HDAC4: variants seen among roughly 807,000 people sequenced by gnomAD.
HDAC4 encodes the protein histone deacetylase A.
In HDAC4, 16 loss-of-function variants were observed where a neutral mutation model predicts 135.1. That is an observed-to-expected ratio of 0.12 (90% CI 0.08 to 0.18). The LOEUF is 0.18. Ranked by LOEUF, HDAC4 falls within the 10% of genes least tolerant of loss-of-function variation. HDAC4 has a pLI of 1.00. For missense variants in HDAC4, 1,143 were observed against 1,511.8 expected (o/e 0.76, Z 4.05); for synonymous variants, 685 against 653.4 (o/e 1.05, Z -0.74).
At chr2:239,082,981 CTGCTCCGTTATCTG>C (rs755271570) in intron 20 of HDAC4, among the ~76,000 whole-genome samples, 19 of 152,250 alleles carry the variant, frequency 1.2e-4, no homozygotes, top group Non-Finnish European at 2.5e-4. Flanking sequence ...CGAGAACTTG[CTGCTCCGTTATCTG>C]TGCTCATCAC....
chr2:239,122,956 G>C (rs1038750233), intron 12 of HDAC4, among the ~76,000 whole-genome samples: 4 of 152,188 alleles, frequency 2.6e-5, no homozygotes, highest in African/African-American at 9.7e-5. Flanking sequence ...CCTCCAAGAG[G>C]AAGGGCCGGG....
At chr2:239,187,183 G>C (rs947767137) in intron 4 of HDAC4, 1 of 151,984 alleles carries the variant, frequency 6.6e-6, no homozygotes, top group Admixed American at 6.6e-5. Context: ...AGGGAAGCCG[G>C]AGTGAGTGAG....
At position 239,068,685 on chromosome 2, in the gene HDAC4, T is replaced by A; in HGVS notation, c.2751-78A>T. The A allele has an allele frequency of 7.9e-7, 1 of 1,263,928 alleles. No individual in the cohort carries two copies. Among genetic ancestry groups the A allele is most frequent in the Non-Finnish European group, 1.2e-6 (1 of 862,188 alleles). 78.3% of individuals were successfully genotyped at this position (1,263,928 alleles called of 1,614,324 possible). ...GGTCACAAAACCCCAAGGTTCCCTC[T>A]GGCATTGATAATGCCTGCCCCGCAC... On this transcript the variant is annotated intron_variant, in intron 22 of 26. Transcript: ENST00000543185. The surrounding 1 kb of genome is among the most constrained non-coding windows in gnomAD (Gnocchi z 4.4).
At chr2:239,334,865 A>G (rs530005972) in intron 2 of HDAC4, among the ~76,000 whole-genome samples, 2 of 152,146 alleles carry the variant, frequency 1.3e-5, no homozygotes, top group Non-Finnish European at 2.9e-5. Flanking sequence ...CTACTAAAAA[A>G]TACAAAAAAA....
intron 2 of HDAC4, among the ~76,000 whole-genome samples, chr2:239,269,005 C>A (rs979557159): frequency 6.6e-6 from 1 of 152,192 alleles, no homozygotes; most frequent in Non-Finnish European, 1.5e-5. Context: ...GAGCTTCCAG[C>A]GGCTTGATTC....
At chr2:239,157,360 G>C (rs1020451584) in intron 6 of HDAC4, among the ~76,000 whole-genome samples, 4 of 152,216 alleles carry the variant, frequency 2.6e-5, no homozygotes, top group Admixed American at 6.5e-5. Context: ...CTCTCTGGGG[G>C]AGGAACAGGA....
chr2:239,149,808 T>C (rs533906388), intron 7 of HDAC4, among the ~76,000 whole-genome samples: 8 of 152,206 alleles, frequency 5.3e-5, no homozygotes, highest in East Asian at 1.9e-4. Context: ...TCTTCACCAC[T>C]GGCCACATTG....
chr2:239,128,649 G>A (rs985852129), intron 11 of HDAC4, among the ~76,000 whole-genome samples: 3 of 152,212 alleles, frequency 2.0e-5, no homozygotes, highest in Non-Finnish European at 4.4e-5. Flanking sequence ...TGCTTTCAGG[G>A]GACGCAAAGG....
chr2:239,099,823 C>T (rs2037451885), intron 16 of HDAC4, among the ~76,000 whole-genome samples: 1 of 152,248 alleles, frequency 6.6e-6, no homozygotes, highest in South Asian at 2.1e-4. Context: ...CTCTCACAGA[C>T]CACCCAGTAG....
chr2:239,103,030 T>A (rs2037800873), intron 15 of HDAC4, 134 bp from the exon 16 acceptor site: 1 of 1,081,242 alleles, frequency 9.2e-7, no homozygotes, highest in South Asian at 1.4e-5. Context: ...TGTTATTTGG[T>A]TACTGCAAAA....
At chr2:239,137,472 C>A (rs545976901) in intron 9 of HDAC4, among the ~76,000 whole-genome samples, 5 of 152,140 alleles carry the variant, frequency 3.3e-5, no homozygotes, top group Admixed American at 1.3e-4. Flanking sequence ...GAGGAGGTGC[C>A]GGCACTCTGG....
chr2:239,338,599 C>A lies in HDAC4; in HGVS notation c.22+14079G>T, dbSNP rs140081061. On this transcript the variant is annotated intron_variant, in intron 2 of 26. Coordinates refer to ENST00000543185, the MANE Select transcript of HDAC4 (RefSeq NM_001378414.1). ...CATTTGATGTTCAAAATTTAAATAGCCACTACATAAAATAGGAAAAAATAA... is the reference window on the plus strand; with the variant it reads ...CATTTGATGTTCAAAATTTAAATAGACACTACATAAAATAGGAAAAAATAA... Among the ~76,000 whole-genome samples the A allele has an allele frequency of 6.4e-3, 969 of 152,280 alleles. 35 individuals carry two copies. Among genetic ancestry groups the A allele is most frequent in the Admixed American group, 0.053 (809 of 15,300 alleles).
chr2:239,241,639 G>C (rs1359476764), intron 2 of HDAC4, among the ~76,000 whole-genome samples: 1 of 152,116 alleles, frequency 6.6e-6, no homozygotes, highest in Non-Finnish European at 1.5e-5. Context: ...TCTTCCTGGA[G>C]GCTGCAGAGA....
chr2:239,054,529 A>G lies in HDAC4; in HGVS notation c.3088+220T>C, dbSNP rs13412358. Among the ~76,000 whole-genome samples, 6,088 of 152,214 alleles carry G rather than the reference A, an allele frequency of 0.04. 415 individuals carry two copies. The highest frequency in any genetic ancestry group is 0.14 in the African/African-American group (5,782 of 41,506). ...CTAGACTTACAAATTGGGCTGATGG[A>G]ACCATCCCAGCAGGCCGGGGGAAAT... On this transcript the variant is annotated intron_variant, in intron 25 of 26. Coordinates refer to ENST00000543185, the MANE Select transcript of HDAC4 (RefSeq NM_001378414.1).
chr2:239,098,085 G>A (rs141661177), intron 16 of HDAC4, among the ~76,000 whole-genome samples: 123 of 152,342 alleles, frequency 8.1e-4, no homozygotes, highest in African/African-American at 2.9e-3. Flanking sequence ...CAAGTCATCC[G>A]ACTGTTTTGA....
chr2:239,250,858 G>A (rs898813161), intron 2 of HDAC4, among the ~76,000 whole-genome samples: 2 of 152,228 alleles, frequency 1.3e-5, no homozygotes, highest in South Asian at 2.1e-4. Context: ...AGCTGCCAGA[G>A]ATGGGACTCG....
intron 4 of HDAC4, among the ~76,000 whole-genome samples, chr2:239,182,021 C>T (rs1289836117): frequency 6.6e-6 from 1 of 152,178 alleles, no homozygotes; most frequent in Non-Finnish European, 1.5e-5. Flanking sequence ...CCGCCACATG[C>T]AAGCAAAGTC....
At chr2:239,189,645 T>C (rs1301547497) in intron 4 of HDAC4, among the ~76,000 whole-genome samples, 188 bp downstream of exon 4, 1 of 152,206 alleles carries the variant, frequency 6.6e-6, no homozygotes, top group African/African-American at 2.4e-5. Context: ...CACCACGTCC[T>C]CCACAATACA....
chr2:239,143,939 G>T (rs2041580033), intron 8 of HDAC4, among the ~76,000 whole-genome samples: 3 of 152,224 alleles, frequency 2.0e-5, no homozygotes, highest in African/African-American at 7.2e-5. Flanking sequence ...GTGGTGGGGT[G>T]AGGGGTGTAC....
Sources: gnomAD v4.1 joint callset for allele counts (sites outside exome capture counted in the v4.1 genomes callset) on GRCh38, gnomAD v4.1.1 for gene constraint, Gnocchi (gnomAD v3.1) non-coding constraint, MANE v1.5 for transcripts, NCBI Gene and HGNC (gene_info 2026-07-23, HGNC 2026-07-21) for gene names.